The following DAB1 variants were observed in gnomAD, a reference collection of about 807,000 sequenced individuals.
DAB1 encodes disabled homolog 1.
DAB1 carries 15 observed loss-of-function variants against 64.6 expected under a neutral mutation model. The ratio of observed to expected loss-of-function variants is 0.23; its 90% CI spans 0.16 to 0.36. The LOEUF (loss-of-function observed/expected upper bound fraction) is 0.36. Ranked by LOEUF, DAB1 falls within the 10% of genes least tolerant of loss-of-function variation. The probability of loss-of-function intolerance (pLI) is 1.00; values close to 1 mark genes in which losing one functional copy is unlikely to be tolerated. For missense variants in DAB1, 596 were observed against 706.7 expected (o/e 0.84, Z 1.78); for synonymous variants, 235 against 251.9 (o/e 0.93, Z 0.64).
intron 5 of DAB1, among the ~76,000 whole-genome samples, chr1:58,103,132 C>A (rs547335039): frequency 6.6e-6 from 1 of 152,154 alleles, no homozygotes; most frequent in East Asian, 1.9e-4. Context: ...GCACCCGATA[C>A]GTGGTAATGC....
rs1652398995 is a variant in DAB1 at position 57,080,522 on chromosome 1, T to G, written c.307-8108A>C. Among the ~76,000 whole-genome samples the G allele has an allele frequency of 3.3e-5, 5 of 152,326 alleles. No homozygotes were observed. In the South Asian group the frequency reaches 1.0e-3, roughly 32 times the overall value. On this transcript the variant is annotated intron_variant, in intron 4 of 14. Transcript: ENST00000371236. ...GTCAGCTTCTTCTTCTTAGCAGCTC[T>G]CTAAACATATGCTATACACACACCA...
At chr1:57,829,125 C>G (rs1271941691) in intron 1 of DAB1, among the ~76,000 whole-genome samples, 3 of 152,132 alleles carry the variant, frequency 2.0e-5, no homozygotes, top group Non-Finnish European at 4.4e-5. Flanking sequence ...ATAGCCTTAA[C>G]TGACAGGCAC....
At chr1:57,377,955 A>T (rs559067882) in intron 1 of DAB1, among the ~76,000 whole-genome samples, 1 of 152,184 alleles carries the variant, frequency 6.6e-6, no homozygotes, top group Non-Finnish European at 1.5e-5. Flanking sequence ...GTGGAGGAAG[A>T]TGGCTAGACT....
chr1:57,753,652 TTC>T (rs1221167763), intron 6 of DAB1, among the ~76,000 whole-genome samples: 1 of 152,210 alleles, frequency 6.6e-6, no homozygotes, highest in Non-Finnish European at 1.5e-5. Context: ...TTATCCACAT[TTC>T]ATCCTATTGT....
rs149369236 is a variant in DAB1, at chr1:57,970,038, T to C, written n.388-85876A>G. Among the ~76,000 whole-genome samples the C allele has an allele frequency of 2.1e-3, 325 of 152,270 alleles. 2 individuals are homozygous for C. Among genetic ancestry groups the C allele is most frequent in the Admixed American group, 5.8e-3 (89 of 15,280 alleles). On this transcript the variant is annotated intron_variant and non_coding_transcript_variant, in intron 5 of 20. Coordinates refer to the DAB1 transcript ENST00000485760. The stretch of plus-strand genomic sequence containing the variant: ...AGATGAAAGAGACTCCAGAAAGCTC[T>C]CTCACCTCTTCTACCATGTGAGGAC...
chr1:57,563,751 C>A (rs936692638), intron 7 of DAB1, among the ~76,000 whole-genome samples: 16 of 152,164 alleles, frequency 1.1e-4, no homozygotes, highest in Non-Finnish European at 2.2e-4. Context: ...GAGGGGCACC[C>A]ACCATTGCTG....
chr1:57,808,137 C>T (rs1651451353), intron 6 of DAB1, among the ~76,000 whole-genome samples: 1 of 150,642 alleles, frequency 6.6e-6, no homozygotes, highest in African/African-American at 2.4e-5. Flanking sequence ...TTATATTCTC[C>T]CTCTCTCTCT....
chr1:57,407,669 G>A (rs1228176758), intron 1 of DAB1, among the ~76,000 whole-genome samples: 1 of 152,136 alleles, frequency 6.6e-6, no homozygotes, highest in Non-Finnish European at 1.5e-5. Flanking sequence ...CTAGTTATCA[G>A]CCAAGCCTTG....
chr1:57,821,199 A>T (rs1244292380), downstream of DAB1, among the ~76,000 whole-genome samples: 2 of 151,968 alleles, frequency 1.3e-5, no homozygotes, highest in Non-Finnish European at 2.9e-5. Context: ...CCCAGAGAAA[A>T]CCTCTCACAC....
At chr1:57,817,532 G>A (rs532717185) in intron 6 of DAB1, among the ~76,000 whole-genome samples, 1 of 152,296 alleles carries the variant, frequency 6.6e-6, no homozygotes, top group East Asian at 1.9e-4. Flanking sequence ...TCTCAGCTCA[G>A]GCTGCCAACG....
At chr1:58,009,797 G>C (rs1439029668) in intron 5 of DAB1, among the ~76,000 whole-genome samples, 1 of 152,044 alleles carries the variant, frequency 6.6e-6, no homozygotes, top group African/African-American at 2.4e-5. Context: ...GATATTTCCA[G>C]GAAACTCAAG....
intron 4 of DAB1, among the ~76,000 whole-genome samples, chr1:58,187,295 C>CAA (rs535043834): frequency 9.5e-5 from 9 of 94,832 alleles, no homozygotes; most frequent in South Asian, 3.0e-4. Context: ...CTTAACTCTA[C>CAA]AAAAAAAAAA....
chr1:57,181,570 C>A (rs1459392391), intron 2 of DAB1, among the ~76,000 whole-genome samples: 2 of 152,216 alleles, frequency 1.3e-5, no homozygotes, highest in African/African-American at 4.8e-5. Flanking sequence ...AAATACTGTA[C>A]AAGGAATGCA....
chr1:58,516,328 T>A (rs896383102), intron 2 of DAB1, among the ~76,000 whole-genome samples: 2 of 152,224 alleles, frequency 1.3e-5, no homozygotes, highest in Non-Finnish European at 2.9e-5. Flanking sequence ...GTGAAATTTT[T>A]AAAAAGTCAT....
chr1:57,006,340 G>C (rs953302836), intron 14 of DAB1, among the ~76,000 whole-genome samples: 1 of 152,174 alleles, frequency 6.6e-6, no homozygotes. Flanking sequence ...AAGTAAACTT[G>C]TCTTCTTTCT....
chr1:57,311,125 C>T (rs1431144258), intron 1 of DAB1, among the ~76,000 whole-genome samples: 2 of 152,122 alleles, frequency 1.3e-5, no homozygotes, highest in African/African-American at 4.8e-5. Flanking sequence ...CATTTGATGG[C>T]CCCAAGAAAA....
At chr1:57,325,609 A>T (rs1446920422) in intron 1 of DAB1, among the ~76,000 whole-genome samples, 1 of 152,194 alleles carries the variant, frequency 6.6e-6, no homozygotes, top group African/African-American at 2.4e-5. Flanking sequence ...TATTTACTAG[A>T]CTGTGAGCTC....
intron 6 of DAB1, among the ~76,000 whole-genome samples, chr1:57,806,457 G>A (rs558867698): frequency 4.6e-5 from 7 of 152,290 alleles, no homozygotes; most frequent in African/African-American, 1.2e-4. Context: ...GGCAGGGATC[G>A]GGGTGATTTG....
At chr1:57,227,519 TTGTGTGTGTGTGTGTGTGTGTG>T (rs57671970) in intron 2 of DAB1, among the ~76,000 whole-genome samples, 1 of 135,726 alleles carries the variant, frequency 7.4e-6, no homozygotes, top group African/African-American at 2.7e-5. Flanking sequence ...TTTTTTTCTT[TTGTGTGTGTGTGTGTGTGTGTG>T]TGTGTGTGTG....
Sources: gnomAD v4.1 joint callset for allele counts (sites outside exome capture counted in the v4.1 genomes callset) on GRCh38, gnomAD v4.1.1 for gene constraint, MANE v1.5 for transcripts, NCBI Gene and HGNC (gene_info 2026-07-23, HGNC 2026-07-21) for gene names.